The following ARHGEF3 variants were observed in gnomAD, a reference collection of about 807,000 sequenced individuals.
The protein encoded by ARHGEF3 is 59.8 kDA protein.
A neutral mutation model predicts 63.2 loss-of-function variants in ARHGEF3; 28 were observed. The observed-to-expected ratio is 0.44, with a 90% CI of 0.33 to 0.61. The LOEUF is 0.61. Ranked by LOEUF, ARHGEF3 falls within the 20% of genes least tolerant of loss-of-function variation. ARHGEF3 has a pLI of 0.03. For missense variants in ARHGEF3, 533 were observed against 659.3 expected (o/e 0.81, Z 2.10); for synonymous variants, 266 against 254.2 (o/e 1.05, Z -0.44).
intron 3 of ARHGEF3, among the ~76,000 whole-genome samples, chr3:56,903,759 T>C (rs891879501): frequency 6.9e-6 from 1 of 143,952 alleles, no homozygotes; most frequent in Non-Finnish European, 1.5e-5. Context: ...GGTTCCTGAA[T>C]TTTTTTTTTA....
At chr3:56,994,099 T>G (rs920607627) in intron 2 of ARHGEF3, among the ~76,000 whole-genome samples, 1 of 89,520 alleles carries the variant, frequency 1.1e-5, no homozygotes, top group South Asian at 3.7e-4. Flanking sequence ...CACTGTAGAT[T>G]ATAACACACA....
At chr3:56,773,649 G>A in intron 2 of ARHGEF3, 60 bp downstream of exon 2, 1 of 1,390,592 alleles carries the variant, frequency 7.2e-7, no homozygotes, top group Non-Finnish European at 9.7e-7. Flanking sequence ...GTAGGATGGG[G>A]ATGTTCCTTC....
intron 4 of ARHGEF3, among the ~76,000 whole-genome samples, chr3:56,844,513 T>C (rs2039420242): frequency 6.6e-6 from 1 of 152,090 alleles, no homozygotes. Context: ...TAATATTTAA[T>C]AAAATAAAAC....
rs748833311 is a variant in ARHGEF3, at chr3:57,074,285, A to C, written c.-28+4941T>G. The C allele has an allele frequency of 1.4e-5, 23 of 1,594,282 alleles. No individual in the cohort carries two copies. The African/African-American group carries it at 2.8e-4, about 19-fold the overall frequency. ...ATCTGTAATCAATAATAATCCTGCA[A>C]CATCTGAGAGTCTGGCAGCTGTTTG... On this transcript the variant is annotated intron_variant, in intron 1 of 12. Transcript: ENST00000338458.
chr3:57,020,814 G>A (rs772185905), intron 2 of ARHGEF3, among the ~76,000 whole-genome samples: 1 of 152,350 alleles, frequency 6.6e-6, no homozygotes, highest in Admixed American at 6.5e-5. Flanking sequence ...TCCCTATGGA[G>A]CTTGATCCTG....
At chr3:56,859,652 C>T (rs2040000381) in intron 4 of ARHGEF3, among the ~76,000 whole-genome samples, 1 of 151,364 alleles carries the variant, frequency 6.6e-6, no homozygotes, top group Admixed American at 6.6e-5. Context: ...CCCATCTCAG[C>T]CTCCCGAGTA....
At chr3:57,056,673 GTTTCTTTTTC>G (rs1704952018) in intron 1 of ARHGEF3, among the ~76,000 whole-genome samples, 1 of 152,038 alleles carries the variant, frequency 6.6e-6, no homozygotes, top group South Asian at 2.1e-4. Flanking sequence ...ATCGGTTATC[GTTTCTTTTTC>G]TTTCTTTTTA....
intron 4 of ARHGEF3, among the ~76,000 whole-genome samples, chr3:56,838,171 C>A (rs752265219): frequency 1.3e-5 from 2 of 152,118 alleles, no homozygotes; most frequent in Admixed American, 6.5e-5. Flanking sequence ...AAACAACTTA[C>A]CTATATTTCC....
intron 6 of ARHGEF3, among the ~76,000 whole-genome samples, chr3:56,749,417 TG>T (rs2034592572): frequency 6.6e-6 from 1 of 152,258 alleles, no homozygotes; most frequent in Non-Finnish European, 1.5e-5. Context: ...TTGCATATGA[TG>T]CTTAAGGAAA....
chr3:57,010,318 T>C (rs1579080150), intron 2 of ARHGEF3, among the ~76,000 whole-genome samples: 1 of 151,790 alleles, frequency 6.6e-6, no homozygotes, highest in Non-Finnish European at 1.5e-5. Flanking sequence ...TAGCCGGGCG[T>C]GGTGGCGGGT....
In ARHGEF3 at chr3:56,755,674, G is replaced by A. The variant is rs1381263535; in HGVS notation, c.205-523C>T. Reference sequence around the variant, plus strand: ...TTCCACCATCCTAGTTCAGGGATGGGCATGTGATTCCCTGAAATTTGTCAC... The same window carrying A: ...TTCCACCATCCTAGTTCAGGGATGGACATGTGATTCCCTGAAATTTGTCAC... On this transcript the variant is annotated intron_variant, in intron 2 of 9. Transcript: ENST00000296315. 2.0e-5 allele frequency among the ~76,000 whole-genome samples: 3 copies of A among 152,184 alleles called. No individual in the cohort carries two copies. In the East Asian group the frequency reaches 5.8e-4, roughly 29 times the overall value.
At chr3:57,063,245 G>A (rs903148259) in intron 1 of ARHGEF3, among the ~76,000 whole-genome samples, 1 of 151,994 alleles carries the variant, frequency 6.6e-6, no homozygotes, top group Non-Finnish European at 1.5e-5. Context: ...ACTAAGAGAG[G>A]AGTCAGAGAG....
chr3:56,989,801 G>A (rs972856050), intron 2 of ARHGEF3, among the ~76,000 whole-genome samples: 1 of 152,148 alleles, frequency 6.6e-6, no homozygotes, highest in Non-Finnish European at 1.5e-5. Flanking sequence ...CTTTACGCAC[G>A]GGAGCCAACC....
chr3:56,775,164 C>T, intron 1 of ARHGEF3: 1 of 1,529,618 alleles, frequency 6.5e-7, no homozygotes, highest in Non-Finnish European at 8.8e-7. Flanking sequence ...CCATTGCTTT[C>T]AAAGTTTCGA....
At chr3:57,026,666 C>T (rs935631108) in intron 2 of ARHGEF3, among the ~76,000 whole-genome samples, 3 of 152,194 alleles carry the variant, frequency 2.0e-5, no homozygotes, top group Non-Finnish European at 2.9e-5. Flanking sequence ...GGAGCATCCT[C>T]TTCACCAGAT....
At chr3:57,061,234 CTCATGTAGCATAATACTT>C (rs1579193029) in intron 1 of ARHGEF3, among the ~76,000 whole-genome samples, 1 of 152,158 alleles carries the variant, frequency 6.6e-6, no homozygotes. Flanking sequence ...ACTGACTTTT[CTCATGTAGCATAATACTT>C]TCATGGATCA....
At chr3:56,754,477 G>A (rs970000223) in intron 3 of ARHGEF3, among the ~76,000 whole-genome samples, 4 of 152,120 alleles carry the variant, frequency 2.6e-5, no homozygotes, top group African/African-American at 9.7e-5. Context: ...ATCAGATGAT[G>A]CACACATGAA....
chr3:56,843,951 A>G (rs1428384924), intron 4 of ARHGEF3, among the ~76,000 whole-genome samples: 3 of 152,190 alleles, frequency 2.0e-5, no homozygotes, highest in African/African-American at 7.2e-5. Context: ...ATTGTGACTC[A>G]CAACTGTATG....
chr3:57,074,195 A>G lies in ARHGEF3; in HGVS notation c.-28+5031T>C, dbSNP rs1037432124. The G allele has an allele frequency of 1.9e-6, 3 of 1,614,082 alleles. No homozygotes were observed. In the African/African-American group the frequency reaches 4.0e-5, roughly 22 times the overall value. ...GGTGCAGCCGTTCAAACCAACTGAC[A>G]TTTACTGAGGGCTGCTTTGTCAGGT... On this transcript the variant is annotated intron_variant, in intron 1 of 12. Coordinates refer to the ARHGEF3 transcript ENST00000338458.
Sources: gnomAD v4.1 joint callset for allele counts (sites outside exome capture counted in the v4.1 genomes callset) on GRCh38, gnomAD v4.1.1 for gene constraint, MANE v1.5 for transcripts, NCBI Gene and HGNC (gene_info 2026-07-23, HGNC 2026-07-21) for gene names.